STK39: variants seen among roughly 807,000 people sequenced by gnomAD.
STK39 encodes the protein serine/threonine kinase 39, also known as STE20/SPS1-related proline-alanine-rich protein kinase.
A neutral mutation model predicts 77.8 loss-of-function variants in STK39; 20 were observed. That is an observed-to-expected ratio of 0.26 (90% CI 0.18 to 0.37). STK39 has a LOEUF of 0.37. STK39 is among the 10% of genes least tolerant of loss of function. STK39 has a pLI of 1.00. For synonymous variants in STK39, 246 were observed against 234.1 expected, an observed-to-expected ratio of 1.05 and a Z score of -0.47; for missense variants, 479 against 656.5, an observed-to-expected ratio of 0.73 and a Z score of 2.95.
intron 15 of STK39, among the ~76,000 whole-genome samples, chr2:168,016,039 T>TCC (rs1684395477): frequency 1.3e-5 from 2 of 152,240 alleles, no homozygotes; most frequent in African/African-American, 4.8e-5. Context: ...GTGATTCTCT[T>TCC]GCCTCAGCCT....
chr2:168,035,638 T>C (rs900876807), intron 14 of STK39, among the ~76,000 whole-genome samples: 3 of 152,202 alleles, frequency 2.0e-5, no homozygotes. Context: ...CAAGGCAATG[T>C]GTTAGGACTC....
intron 10 of STK39, 109 bp downstream of exon 10, chr2:168,129,432 G>T (rs1020963825): frequency 1.7e-6 from 2 of 1,192,794 alleles, no homozygotes; most frequent in Non-Finnish European, 1.2e-6. Context: ...GAGATATAGC[G>T]TCTGAATAGT....
chr2:168,244,040 G>A (rs1690838752), intron 1 of STK39, among the ~76,000 whole-genome samples: 1 of 152,054 alleles, frequency 6.6e-6, no homozygotes, highest in South Asian at 2.1e-4. Context: ...ATCAATGTCT[G>A]GAAGAAGGAA....
At chr2:168,112,525 C>T (rs907795678) in intron 10 of STK39, among the ~76,000 whole-genome samples, 1 of 152,218 alleles carries the variant, frequency 6.6e-6, no homozygotes, top group East Asian at 1.9e-4. Flanking sequence ...TCCCCTTCAC[C>T]TTCCACCATG....
intron 15 of STK39, 75 bp from the exon 16 acceptor site, chr2:168,012,777 A>G (rs1325463133): frequency 4.8e-6 from 6 of 1,242,066 alleles, no homozygotes; most frequent in Middle Eastern, 2.0e-4. Flanking sequence ...TGTAAAATAT[A>G]TATTTTTCAT....
At chr2:168,132,039 C>T (rs1338000288) in intron 8 of STK39, among the ~76,000 whole-genome samples, 1 of 152,186 alleles carries the variant, frequency 6.6e-6, no homozygotes, top group Non-Finnish European at 1.5e-5. Context: ...AGAGGGGCAG[C>T]AGCACATTCA....
chr2:168,131,723 A>G (rs1232027326), intron 8 of STK39, among the ~76,000 whole-genome samples: 1 of 152,180 alleles, frequency 6.6e-6, no homozygotes, highest in African/African-American at 2.4e-5. Flanking sequence ...TCTAAACAAC[A>G]GGTAGGCCAT....
intron 5 of STK39, among the ~76,000 whole-genome samples, chr2:168,150,190 C>T (rs1688243329): frequency 6.6e-6 from 1 of 152,226 alleles, no homozygotes; most frequent in Non-Finnish European, 1.5e-5. Flanking sequence ...TCTCAATGCA[C>T]AGCCAACTCC....
chr2:168,167,169 G>T, intron 3 of STK39, 130 bp downstream of exon 3: 1 of 736,022 alleles, frequency 1.4e-6, no homozygotes, highest in South Asian at 1.7e-5. Flanking sequence ...TATCCTCTAG[G>T]CAATGAGAAA....
At chr2:167,976,901 C>T (rs1422524291) in intron 16 of STK39, among the ~76,000 whole-genome samples, 1 of 152,098 alleles carries the variant, frequency 6.6e-6, no homozygotes, top group South Asian at 2.1e-4. Context: ...AATGCTGTGG[C>T]CTTTATTTGT....
At chr2:167,986,286 A>T (rs770696428) in intron 16 of STK39, among the ~76,000 whole-genome samples, 1 of 152,194 alleles carries the variant, frequency 6.6e-6, no homozygotes, top group African/African-American at 2.4e-5. Flanking sequence ...TGCAGTGAGG[A>T]TGTACTGGGC....
chr2:168,099,881 A>T (rs535014735), intron 10 of STK39, among the ~76,000 whole-genome samples: 51 of 152,346 alleles, frequency 3.3e-4, no homozygotes, highest in Non-Finnish European at 6.3e-4. Flanking sequence ...AATTTCAAAA[A>T]GTTATGCCAG....
At chr2:168,164,390 C>T (rs1688647614) in intron 3 of STK39, among the ~76,000 whole-genome samples, 1 of 151,926 alleles carries the variant, frequency 6.6e-6, no homozygotes, top group East Asian at 1.9e-4. Context: ...ACTACCTGAT[C>T]TTTATTTTCT....
chr2:168,066,443 C>T (rs1223134591), intron 12 of STK39, among the ~76,000 whole-genome samples: 3 of 152,156 alleles, frequency 2.0e-5, no homozygotes, highest in Non-Finnish European at 4.4e-5. Context: ...GTTAGAAGAA[C>T]AAAACAACCT....
At chr2:168,124,192 T>C (rs886792547) in intron 10 of STK39, among the ~76,000 whole-genome samples, 1 of 152,176 alleles carries the variant, frequency 6.6e-6, no homozygotes, top group Non-Finnish European at 1.5e-5. Context: ...CTTAATTTCA[T>C]GATTAAGAAA....
chr2:168,106,026 A>C (rs185015943), intron 10 of STK39, among the ~76,000 whole-genome samples: 1 of 152,314 alleles, frequency 6.6e-6, no homozygotes, highest in East Asian at 1.9e-4. Context: ...GCAGTGGCGC[A>C]ATCTCAGCTC....
At chr2:168,215,292 T>G (rs1009356864) in intron 1 of STK39, among the ~76,000 whole-genome samples, 2 of 152,218 alleles carry the variant, frequency 1.3e-5, no homozygotes, top group Non-Finnish European at 2.9e-5. Context: ...CTGAGGTTGA[T>G]TTAATTTGAT....
At chr2:168,204,123 T>C (rs1689681409) in intron 1 of STK39, among the ~76,000 whole-genome samples, 1 of 152,232 alleles carries the variant, frequency 6.6e-6, no homozygotes. Flanking sequence ...GTAGAACAAC[T>C]ACAGGGATTC....
At chr2:168,129,464 C>A (rs1687624504) in intron 10 of STK39, 77 bp downstream of exon 10, 1 of 1,536,954 alleles carries the variant, frequency 6.5e-7, no homozygotes, top group South Asian at 1.1e-5. Flanking sequence ...ATGTGGAAAT[C>A]TTTTTCCAAT....
Sources: gnomAD v4.1 joint callset for allele counts (sites outside exome capture counted in the v4.1 genomes callset) on GRCh38, gnomAD v4.1.1 for gene constraint, MANE v1.5 for transcripts, NCBI Gene and HGNC (gene_info 2026-07-23, HGNC 2026-07-21) for gene names.